TARP: variants seen among roughly 807,000 people sequenced by gnomAD.
At chr7:38,263,643 TAA>T in the TARP span, among the ~76,000 whole-genome samples, 2 of 143,890 alleles carry the variant, frequency 1.4e-5, no homozygotes, top group African/African-American at 2.5e-5. Context: ...TCTGTGATGT[TAA>T]AAAAAAAAAG....
the TARP span, chr7:38,265,389 G>A: frequency 2.3e-5 from 37 of 1,612,026 alleles, no homozygotes; most frequent in South Asian, 3.3e-5. Context: ...GATCAACTCC[G>A]TTTTTATTAT....
At chr7:38,265,335 G>C in the TARP span, 3 of 1,585,180 alleles carry the variant, frequency 1.9e-6, no homozygotes, top group Non-Finnish European at 2.6e-6. Context: ...CAGATGATAT[G>C]CGTAAACACA....
At chr7:38,264,416 C>T in the TARP span, among the ~76,000 whole-genome samples, 1 of 151,238 alleles carries the variant, frequency 6.6e-6, no homozygotes, top group Non-Finnish European at 1.5e-5. Context: ...CATGGTGAAA[C>T]CCCATCTCTA....
At chr7:38,269,967 A>G in the TARP span, among the ~76,000 whole-genome samples, 6 of 151,866 alleles carry the variant, frequency 4.0e-5, no homozygotes, top group East Asian at 1.2e-3. Flanking sequence ...GCTGAGCATG[A>G]TGTGCACGAC....
At chr7:38,273,263 T>G in the TARP span, among the ~76,000 whole-genome samples, 1 of 151,104 alleles carries the variant, frequency 6.6e-6, no homozygotes, top group Admixed American at 6.6e-5. Flanking sequence ...TTTTTTTAAT[T>G]TTTTCCATTG....
chr7:38,271,897 A>G, the TARP span, among the ~76,000 whole-genome samples: 2 of 151,478 alleles, frequency 1.3e-5, no homozygotes, highest in African/African-American at 4.9e-5. Context: ...TAACTTTGAA[A>G]GTATGAACCA....
the TARP span, chr7:38,269,537 ATTCC>A: frequency 1.4e-6 from 1 of 695,646 alleles, no homozygotes; most frequent in Admixed American, 2.1e-5. Flanking sequence ...TCTTATAATA[ATTCC>A]ACAGTGATTC....
At chr7:38,270,802 T>C in the TARP span, among the ~76,000 whole-genome samples, 2 of 150,956 alleles carry the variant, frequency 1.3e-5, no homozygotes, top group Non-Finnish European at 2.9e-5. Flanking sequence ...GCAGTGGTAA[T>C]ATGCAGTGGG....
At chr7:38,266,535 C>T in the TARP span, among the ~76,000 whole-genome samples, 3 of 151,902 alleles carry the variant, frequency 2.0e-5, no homozygotes, top group Non-Finnish European at 4.4e-5. Context: ...CTCCTGCGCT[C>T]AAGTGATCTG....
the TARP span, chr7:38,259,880 C>T: frequency 2.5e-5 from 13 of 527,214 alleles, no homozygotes; most frequent in Non-Finnish European, 4.0e-5. Flanking sequence ...TGCTGGAGAT[C>T]GCCGTGGCTA....
the TARP span, chr7:38,265,748 T>C: frequency 8.6e-7 from 1 of 1,164,260 alleles, no homozygotes; most frequent in Non-Finnish European, 1.2e-6. Context: ...CAGTTTGGAG[T>C]GGCCTAGTAC....
the TARP span, among the ~76,000 whole-genome samples, chr7:38,267,323 A>G: frequency 3.9e-5 from 6 of 151,960 alleles, no homozygotes; most frequent in Admixed American, 1.3e-4. Context: ...TTGAATCTGG[A>G]ATGTTAATGG....
chr7:38,259,884 G>A, the TARP span: 10,496 of 516,282 alleles, frequency 0.02, 395 homozygotes, highest in Admixed American at 0.029. Flanking sequence ...GGAGATCGCC[G>A]TGGCTATTCC....
the TARP span, among the ~76,000 whole-genome samples, chr7:38,270,683 C>T: frequency 6.7e-6 from 1 of 149,174 alleles, no homozygotes; most frequent in African/African-American, 2.5e-5. Context: ...TCCTCAAATC[C>T]ATCTCTCTGT....
At chr7:38,265,566 GA>G in the TARP span, 2 of 1,612,080 alleles carry the variant, frequency 1.2e-6, no homozygotes, top group Non-Finnish European at 1.7e-6. Context: ...TAACATCAGG[GA>G]AAAATTTCTC....
At chr7:38,264,254 A>G in the TARP span, among the ~76,000 whole-genome samples, 1 of 151,928 alleles carries the variant, frequency 6.6e-6, no homozygotes, top group Admixed American at 6.6e-5. Flanking sequence ...ACATTAAGAG[A>G]AGTGTCCTCC....
chr7:38,261,599 G>T, the TARP span, among the ~76,000 whole-genome samples: 1 of 151,544 alleles, frequency 6.6e-6, no homozygotes, highest in Admixed American at 6.6e-5. Context: ...AGGAGGCCGG[G>T]CACAGTGACT....
At chr7:38,259,978 G>A in the TARP span, 65,506 of 821,356 alleles carry the variant, frequency 0.08, 1,054 homozygotes, top group East Asian at 0.11. Flanking sequence ...GTACACACAT[G>A]AGAACTGAAA....
chr7:38,271,367 C>A, the TARP span, among the ~76,000 whole-genome samples: 1 of 150,980 alleles, frequency 6.6e-6, no homozygotes, highest in Non-Finnish European at 1.5e-5. Context: ...AGCTTTTTTT[C>A]CCCAAAATTT....
Sources: allele counts gnomAD v4.1 joint callset (sites outside exome capture counted in the v4.1 genomes callset), GRCh38; gene constraint gnomAD v4.1.1; transcripts MANE v1.5.